TSHZ3: variants seen among roughly 807,000 people sequenced by gnomAD.
The protein encoded by TSHZ3 is teashirt zinc finger homeobox 3, also known as teashirt homolog 3.
TSHZ3 carries 10 observed loss-of-function variants against 64.5 expected under a neutral mutation model. That is an observed-to-expected ratio of 0.16 (90% CI 0.10 to 0.26). TSHZ3 has a LOEUF of 0.26. TSHZ3 is among the 10% of genes least tolerant of loss of function. The pLI is 1.00. For missense variants in TSHZ3, 1,242 were observed against 1,421.7 expected (o/e 0.87, Z 2.03); for synonymous variants, 608 against 593.1 (o/e 1.03, Z -0.36).
At chr19:31,305,257 A>G (rs1358092634) in intron 1 of TSHZ3, among the ~76,000 whole-genome samples, 1 of 148,520 alleles carries the variant, frequency 6.7e-6, no homozygotes, top group Non-Finnish European at 1.5e-5. Flanking sequence ...CTGTTAAATC[A>G]CCTCTGAACT....
Position 31,278,574 on chromosome 19 carries a change from C to A in TSHZ3, c.1219G>T (p.Val407Phe), listed in dbSNP as rs1414379815. ...GTGACCTTGATGAAGTGGCCAGTGA[C>A]CATCATGTGGGCAGTGAGCTCCTGC... ...TLQELTAHMM[V>F]TGHFIKVTNS... Residue 407 changes from valine (V) to phenylalanine (F), a missense_variant, in exon 2 of 2, where the codon GTC (valine) becomes TTC (phenylalanine). Transcript: ENST00000240587. This position sits in a 1 kb window ranked among gnomAD's most constrained non-coding sequence, Gnocchi z 4.7. The A allele has an allele frequency of 6.2e-7, 1 of 1,614,038 alleles. No individual in the cohort carries two copies. Among genetic ancestry groups the A allele is most frequent in the Non-Finnish European group, 8.5e-7 (1 of 1,180,042 alleles).
chr19:31,313,196 G>A (rs893028192), intron 1 of TSHZ3, among the ~76,000 whole-genome samples: 24 of 152,108 alleles, frequency 1.6e-4, no homozygotes, highest in Non-Finnish European at 2.2e-4. Flanking sequence ...TGCTACCAGC[G>A]TTTGCTGTTA....
chr19:31,186,830 TTA>T (rs1306593822), intron 5 of TSHZ3, among the ~76,000 whole-genome samples: 5 of 152,208 alleles, frequency 3.3e-5, no homozygotes, highest in Admixed American at 6.5e-5. Flanking sequence ...TATATGCTTT[TTA>T]TATGTCATTC....
intron 1 of TSHZ3, among the ~76,000 whole-genome samples, chr19:31,345,865 G>A (rs908201890): frequency 3.9e-5 from 6 of 152,078 alleles, no homozygotes; most frequent in African/African-American, 1.4e-4. Context: ...TTAAGCAGGG[G>A]ATAATGGTCA....
At chr19:31,265,109 A>G (rs1214422488) in intron 1 of TSHZ3, among the ~76,000 whole-genome samples, 1 of 152,062 alleles carries the variant, frequency 6.6e-6, no homozygotes, top group African/African-American at 2.4e-5. Context: ...CAAAAATCCC[A>G]TAGCCGGCTG....
chr19:31,348,649 C>T (rs959812678), intron 1 of TSHZ3, among the ~76,000 whole-genome samples: 32 of 152,166 alleles, frequency 2.1e-4, no homozygotes, highest in African/African-American at 7.2e-4. Context: ...AATACCCAGA[C>T]CCTGTGCGCT....
intron 4 of TSHZ3, among the ~76,000 whole-genome samples, chr19:31,223,812 A>T (rs1387002126): frequency 6.6e-6 from 1 of 151,788 alleles, no homozygotes; most frequent in Non-Finnish European, 1.5e-5. Context: ...GTGGGGTTGG[A>T]TGAGCTCAGG....
At chr19:31,160,009 A>G (rs1203310480) in intron 5 of TSHZ3, among the ~76,000 whole-genome samples, 1 of 152,230 alleles carries the variant, frequency 6.6e-6, no homozygotes, top group African/African-American at 2.4e-5. Context: ...TCTTGAAGAT[A>G]GCAAAAACAC....
chr19:31,211,367 A>C (rs993195953), intron 4 of TSHZ3, among the ~76,000 whole-genome samples: 4 of 152,176 alleles, frequency 2.6e-5, no homozygotes, highest in African/African-American at 4.8e-5. Flanking sequence ...CCCTCAAGCA[A>C]CTCATAGTCT....
At chr19:31,325,171 G>A (rs1390393910) in intron 1 of TSHZ3, among the ~76,000 whole-genome samples, 1 of 152,196 alleles carries the variant, frequency 6.6e-6, no homozygotes, top group Non-Finnish European at 1.5e-5. Flanking sequence ...AGCGACCTCA[G>A]GTAATGAGGA....
intron 3 of TSHZ3, among the ~76,000 whole-genome samples, chr19:31,237,303 T>A (rs572764790): frequency 6.6e-6 from 1 of 152,224 alleles, no homozygotes; most frequent in Non-Finnish European, 1.5e-5. Flanking sequence ...GTTAAACTTA[T>A]CAGGCTGAAG....
chr19:31,230,787 C>A (rs899038563), intron 3 of TSHZ3, among the ~76,000 whole-genome samples: 6 of 150,822 alleles, frequency 4.0e-5, no homozygotes, highest in Non-Finnish European at 5.9e-5. Context: ...GCAAGCTCCG[C>A]CTCCCGGGTT....
intron 4 of TSHZ3, among the ~76,000 whole-genome samples, chr19:31,225,146 C>T (rs948197277): frequency 2.0e-5 from 3 of 152,224 alleles, no homozygotes; most frequent in African/African-American, 4.8e-5. Context: ...CATGCAAATG[C>T]TGCCATTCAT....
At chr19:31,169,319 C>A (rs1821063198) in intron 5 of TSHZ3, among the ~76,000 whole-genome samples, 1 of 152,192 alleles carries the variant, frequency 6.6e-6, no homozygotes, top group African/African-American at 2.4e-5. Flanking sequence ...TACTTGTACA[C>A]CCATGTTCAT....
intron 3 of TSHZ3, among the ~76,000 whole-genome samples, chr19:31,230,676 C>A (rs1445414639): frequency 1.3e-5 from 2 of 150,266 alleles, no homozygotes; most frequent in Non-Finnish European, 3.0e-5. Flanking sequence ...ATCACTACCC[C>A]TGCTTCCCAT....
chr19:31,228,401 C>T (rs1486049806), intron 3 of TSHZ3, among the ~76,000 whole-genome samples: 1 of 151,650 alleles, frequency 6.6e-6, no homozygotes, highest in Non-Finnish European at 1.5e-5. Flanking sequence ...TGGTGTGTGC[C>T]TGCAGTCCCA....
intron 4 of TSHZ3, among the ~76,000 whole-genome samples, chr19:31,226,749 A>G (rs1271838319): frequency 6.6e-6 from 1 of 152,040 alleles, no homozygotes; most frequent in African/African-American, 2.4e-5. Flanking sequence ...TGCTCTGGGA[A>G]GTCTCTATTT....
chr19:31,288,362 A>G (rs953705122), intron 1 of TSHZ3, among the ~76,000 whole-genome samples: 1 of 152,176 alleles, frequency 6.6e-6, no homozygotes, highest in Non-Finnish European at 1.5e-5. Context: ...GTGCTTGGAC[A>G]AGGAAAAATG....
intron 5 of TSHZ3, among the ~76,000 whole-genome samples, chr19:31,191,023 A>C (rs895691516): frequency 3.9e-5 from 6 of 152,186 alleles, no homozygotes; most frequent in African/African-American, 1.4e-4. Context: ...AGTAAGAAAG[A>C]AAATACCAAT....
Sources: gnomAD v4.1 joint callset for allele counts (sites outside exome capture counted in the v4.1 genomes callset) on GRCh38, gnomAD v4.1.1 for gene constraint, Gnocchi (gnomAD v3.1) non-coding constraint, MANE v1.5 for transcripts, NCBI Gene and HGNC (gene_info 2026-07-23, HGNC 2026-07-21) for gene names.